Variants in KCNIP2 observed in about 807,000 individuals in gnomAD.
KCNIP2 encodes the protein potassium voltage-gated channel interacting protein 2.
A neutral mutation model predicts 39.0 loss-of-function variants in KCNIP2; 19 were observed. The observed-to-expected ratio is 0.49, with a 90% CI of 0.34 to 0.71. The LOEUF is 0.71. Among genes scored for constraint, KCNIP2 ranks in the 30% least tolerant of loss-of-function variants. The pLI is 0.01. For synonymous variants in KCNIP2, 111 were observed against 131.2 expected, an observed-to-expected ratio of 0.85 and a Z score of 1.05; for missense variants, 261 against 346.0, an observed-to-expected ratio of 0.75 and a Z score of 1.95.
chr10:101,838,002 C>T lies in KCNIP2; in HGVS notation c.73+5494G>A, dbSNP rs962022270. Among the ~76,000 whole-genome samples the T allele has an allele frequency of 2.6e-5, 4 of 152,194 alleles. No homozygotes were observed. The highest frequency in any genetic ancestry group is 9.6e-5 in the African/African-American group (4 of 41,456). On this transcript the variant is annotated intron_variant, in intron 1 of 9. Coordinates refer to ENST00000356640, the MANE Select transcript of KCNIP2 (RefSeq NM_173191.3). This position sits in a 1 kb window ranked among gnomAD's most constrained non-coding sequence, Gnocchi z 4.0. Reference sequence around the variant, plus strand: ...ACTCTCAACTCTCAGAGACCTTGACCCAGCCTTGCCAGGACTCATGGTCCT... The same window carrying T: ...ACTCTCAACTCTCAGAGACCTTGACTCAGCCTTGCCAGGACTCATGGTCCT...
Position 101,828,197 on chromosome 10 carries a change from G to A in KCNIP2, c.551C>T (p.Ala184Val), listed in dbSNP as rs772308939. ...CTTGTTAAGGTCATACAGGTTGAAG[G>A]CCCAATTAAGCCTGTCATCTACAGT... ...RGTVDDRLNW[A>V]FNLYDLNKDG... The change falls in exon 7 of 10, where the codon GCC (alanine) becomes GTC (valine). Residue 184 changes from alanine to valine, a missense_variant. Transcript: ENST00000356640. The surrounding 1 kb of genome is among the most constrained non-coding windows in gnomAD (Gnocchi z 6.6). 6.2e-7 allele frequency: 1 copy of A among 1,614,056 alleles called. No individual in the cohort carries two copies. Among genetic ancestry groups the A allele is most frequent in the East Asian group, 2.2e-5 (1 of 44,852 alleles).
rs1207216836 is a variant in KCNIP2 at position 101,828,492 on chromosome 10, C to T, written c.419-33G>A. The T allele has an allele frequency of 6.2e-7, 1 of 1,611,994 alleles. No homozygotes were observed. Among genetic ancestry groups the T allele is most frequent in the South Asian group, 1.1e-5 (1 of 90,844 alleles). ...GTGAGTGTGGAGAAGTTGGCTTCCA[C>T]ACAGGAGAGGACTTCCTCCCTCTAA... On this transcript the variant is annotated intron_variant, in intron 5 of 9. Transcript: ENST00000356640. The surrounding 1 kb of genome is among the most constrained non-coding windows in gnomAD (Gnocchi z 6.6).
At chr10:101,835,475 G>T (rs2066124832) in intron 1 of KCNIP2, among the ~76,000 whole-genome samples, 1 of 152,134 alleles carries the variant, frequency 6.6e-6, no homozygotes, top group Non-Finnish European at 1.5e-5. Context: ...GACTGTGCTG[G>T]CTCCGTATGT....
chr10:101,835,948 A>C (rs1381556389), intron 1 of KCNIP2, among the ~76,000 whole-genome samples: 1 of 152,154 alleles, frequency 6.6e-6, no homozygotes, highest in East Asian at 1.9e-4. Context: ...ACCCAGTCTG[A>C]CTCAGCCTTC....
In KCNIP2 at chr10:101,828,238, G is replaced by A. The variant is rs547244619; in HGVS notation, c.510C>T (p.Ser170=). 133 of 1,614,074 alleles carry A rather than the reference G, an allele frequency of 8.2e-5. 1 individual carries two copies. In the South Asian group the frequency reaches 8.5e-4, roughly 10 times the overall value. Residue 170 remains serine, a synonymous_variant, in exon 7 of 10, where the codon TCC becomes TCT. Transcript: ENST00000356640. This position sits in a 1 kb window ranked among gnomAD's most constrained non-coding sequence, Gnocchi z 6.6. ...CATCTACAGTTCCCCGAAGAATCAC[G>A]GACAAACCAGCCACAAAGTCCTGGG... ...VSFEDFVAGL[S]VILRGTVDDR... is the part of the protein sequence containing the mutation.
Position 101,829,189 on chromosome 10 carries a change from G to A in KCNIP2, c.234C>T (p.Asp78=), listed in dbSNP as rs374306816. ...ACACGGTGGACAATTCAAATTCATC[G>A]TCCACGCTGTCTGCGGGAGCGGTGA... ...RPRLLDPDSV[D]DEFELSTVCH... The change falls in exon 4 of 10, where the codon GAC becomes GAT. Residue 78 remains aspartate (D), a synonymous_variant. Transcript: ENST00000356640. The A allele has an allele frequency of 3.7e-6, 6 of 1,612,914 alleles. No homozygotes were observed. The African/African-American group carries it at 5.3e-5, about 14-fold the overall frequency.
At chr10:101,831,301 T>G in intron 1 of KCNIP2, 134 bp from the exon 2 acceptor site, 1 of 692,330 alleles carries the variant, frequency 1.4e-6, no homozygotes, top group Non-Finnish European at 2.4e-6. Flanking sequence ...AGGAAAGGAA[T>G]GGCAAGGGTG....
chr10:101,830,960 G>C, intron 2 of KCNIP2, 112 bp downstream of exon 2: 1 of 984,812 alleles, frequency 1.0e-6, no homozygotes, highest in Admixed American at 2.0e-5. Context: ...CACACATGCA[G>C]GCCTGGAGCA....
intron 2 of KCNIP2, chr10:101,830,294 C>A: frequency 1.2e-6 from 1 of 818,248 alleles, no homozygotes. Flanking sequence ...CCCAAATACC[C>A]TGGCGTCTGG....
Position 101,843,180 on chromosome 10 carries a change from C to T in KCNIP2, c.73+316G>A, listed in dbSNP as rs1375818015. On this transcript the variant is annotated intron_variant, in intron 1 of 9. Coordinates refer to ENST00000356640, the MANE Select transcript of KCNIP2 (RefSeq NM_173191.3). This position sits in a 1 kb window ranked among gnomAD's most constrained non-coding sequence, Gnocchi z 6.7. Reference sequence around the variant, plus strand: ...ACATGGCAACCAGCTGTGGGAGGTGCGCGCGCACACACACACACACACACA... The same window carrying T: ...ACATGGCAACCAGCTGTGGGAGGTGTGCGCGCACACACACACACACACACA... Among the ~76,000 whole-genome samples, 4 of 151,890 alleles carry T rather than the reference C, an allele frequency of 2.6e-5. No individual in the cohort carries two copies. The highest frequency in any genetic ancestry group is 2.1e-4 in the South Asian group (1 of 4,832).
In KCNIP2 at chr10:101,838,820, A is replaced by G. The variant is rs947825484; in HGVS notation, c.73+4676T>C. ...TACCCATGGAGAGAGCCAGAAAATGACAGATCTCAGAATGCCACAGGACCA... is the reference window on the plus strand; with the variant it reads ...TACCCATGGAGAGAGCCAGAAAATGGCAGATCTCAGAATGCCACAGGACCA... On this transcript the variant is annotated intron_variant, in intron 1 of 9. Transcript: ENST00000356640. The surrounding 1 kb of genome is among the most constrained non-coding windows in gnomAD (Gnocchi z 4.0). Among the ~76,000 whole-genome samples, 3 of 152,228 alleles carry G rather than the reference A, an allele frequency of 2.0e-5. No homozygotes were observed. Among genetic ancestry groups the G allele is most frequent in the African/African-American group, 7.2e-5 (3 of 41,460 alleles).
In KCNIP2 at chr10:101,838,143, A is replaced by G. The variant is rs553844477; in HGVS notation, c.73+5353T>C. ...CTCAAGTCCTCGGGTTCAGTGAGAA[A>G]CTTGCCAGATCCATCCTCCCCAAGC... On this transcript the variant is annotated intron_variant, in intron 1 of 9. Coordinates refer to ENST00000356640, the MANE Select transcript of KCNIP2 (RefSeq NM_173191.3). The surrounding 1 kb of genome is among the most constrained non-coding windows in gnomAD (Gnocchi z 4.0). Among the ~76,000 whole-genome samples, 2 of 152,300 alleles carry G rather than the reference A, an allele frequency of 1.3e-5. No individual in the cohort carries two copies. The highest frequency in any genetic ancestry group is 4.1e-4 in the South Asian group (2 of 4,820).
chr10:101,832,755 C>T (rs934874154), intron 1 of KCNIP2, among the ~76,000 whole-genome samples: 1 of 152,124 alleles, frequency 6.6e-6, no homozygotes, highest in Non-Finnish European at 1.5e-5. Flanking sequence ...GGGTGGCTCT[C>T]CTGCCCCCCA....
In KCNIP2 at chr10:101,843,430, G is replaced by A. The variant is rs367652168; in HGVS notation, c.73+66C>T. 750 of 1,079,690 alleles carry A rather than the reference G, an allele frequency of 6.9e-4. 1 individual carries two copies. The highest frequency in any genetic ancestry group is 9.0e-4 in the Non-Finnish European group (711 of 787,204). 66.9% of individuals were successfully genotyped at this position (1,079,690 alleles called of 1,614,324 possible). On this transcript the variant is annotated intron_variant, in intron 1 of 9. Transcript: ENST00000356640. This position sits in a 1 kb window ranked among gnomAD's most constrained non-coding sequence, Gnocchi z 6.7. ...GGGTGCGGGCCAGGCCGGGGTCGGAGAGGCGGAAGGGTCTGGAGGAATGGA... is the reference window on the plus strand; with the variant it reads ...GGGTGCGGGCCAGGCCGGGGTCGGAAAGGCGGAAGGGTCTGGAGGAATGGA...
intron 1 of KCNIP2, among the ~76,000 whole-genome samples, chr10:101,840,721 G>C (rs2066306778): frequency 6.6e-6 from 1 of 152,138 alleles, no homozygotes; most frequent in East Asian, 1.9e-4. Flanking sequence ...CGCATGATTG[G>C]TTGAAAACCC....
chr10:101,840,942 C>A (rs1403504631), intron 1 of KCNIP2, among the ~76,000 whole-genome samples: 1 of 152,196 alleles, frequency 6.6e-6, no homozygotes, highest in East Asian at 1.9e-4. Flanking sequence ...CAGGCTCCAA[C>A]CCTCTCCGCA....
chr10:101,831,204 T>C (rs772385248), intron 1 of KCNIP2, 37 bp from the exon 2 acceptor site: 11 of 1,431,886 alleles, frequency 7.7e-6, no homozygotes, highest in African/African-American at 1.4e-5. Flanking sequence ...GCACATTAAC[T>C]CCCATTGTCC....
intron 9 of KCNIP2, 106 bp downstream of exon 9, chr10:101,827,583 G>A (rs2065783883): frequency 7.3e-7 from 1 of 1,373,772 alleles, no homozygotes; most frequent in Admixed American, 1.7e-5. Flanking sequence ...ATTGAAATAT[G>A]GGGGTGAGGT....
intron 1 of KCNIP2, among the ~76,000 whole-genome samples, chr10:101,842,847 A>G (rs1317621457): frequency 6.6e-6 from 1 of 152,212 alleles, no homozygotes; most frequent in Non-Finnish European, 1.5e-5. Context: ...AGCACTGAAC[A>G]CTAATCTCAC....
Sources: gnomAD v4.1 joint callset for allele counts (sites outside exome capture counted in the v4.1 genomes callset) on GRCh38, gnomAD v4.1.1 for gene constraint, Gnocchi (gnomAD v3.1) non-coding constraint, MANE v1.5 for transcripts, NCBI Gene and HGNC (gene_info 2026-07-23, HGNC 2026-07-21) for gene names.